Variants in VPS8 observed in about 807,000 individuals in gnomAD.
VPS8 encodes the protein VPS8 subunit of CORVET complex, also known as vacuolar protein sorting-associated protein 8 homolog.
VPS8 carries 129 observed loss-of-function variants against 216.4 expected under a neutral mutation model. The observed-to-expected ratio is 0.60, with a 90% CI of 0.52 to 0.69. The LOEUF (loss-of-function observed/expected upper bound fraction) is 0.69. Ranked by LOEUF, VPS8 falls within the 30% of genes least tolerant of loss-of-function variation. VPS8 has a pLI of 0.00. For synonymous variants in VPS8, 571 were observed against 565.4 expected (o/e 1.01, Z -0.14); for missense variants, 1,531 against 1,683.5 (o/e 0.91, Z 1.59).
intron 46 of VPS8, among the ~76,000 whole-genome samples, chr3:185,039,798 T>C (rs1759396803): frequency 6.6e-6 from 1 of 152,100 alleles, no homozygotes; most frequent in South Asian, 2.1e-4. Context: ...CAGTAGAAAT[T>C]GGGCTGGCTG....
At chr3:184,991,621 T>C (rs1178789527) in intron 42 of VPS8, among the ~76,000 whole-genome samples, 1 of 152,194 alleles carries the variant, frequency 6.6e-6, no homozygotes, top group Non-Finnish European at 1.5e-5. Context: ...TGTTGTCTTA[T>C]TGGATCCACA....
intron 36 of VPS8, among the ~76,000 whole-genome samples, chr3:184,955,607 CTT>C (rs1049794590): frequency 1.3e-5 from 2 of 152,098 alleles, no homozygotes; most frequent in Non-Finnish European, 2.9e-5. Flanking sequence ...CTCTTTATCT[CTT>C]TGTCTTGTGT....
At chr3:184,930,371 C>T (rs937895231) in intron 33 of VPS8, 99 bp from the exon 34 acceptor site, 1 of 679,418 alleles carries the variant, frequency 1.5e-6, no homozygotes, top group Non-Finnish European at 2.4e-6. Flanking sequence ...GATAATTTTT[C>T]ATCTTCAGAT....
chr3:185,030,905 G>C (rs1468069185), intron 46 of VPS8, among the ~76,000 whole-genome samples: 1 of 152,010 alleles, frequency 6.6e-6, no homozygotes, highest in African/African-American at 2.4e-5. Flanking sequence ...TGGGATTATA[G>C]GCATGAGCCA....
At chr3:185,049,335 T>C (rs1017950036) in intron 47 of VPS8, among the ~76,000 whole-genome samples, 1 of 152,184 alleles carries the variant, frequency 6.6e-6, no homozygotes, top group African/African-American at 2.4e-5. Flanking sequence ...CGACCTGTTC[T>C]TCATGCCTGG....
At chr3:184,820,555 C>T (rs909071444) in intron 1 of VPS8, among the ~76,000 whole-genome samples, 2 of 152,000 alleles carry the variant, frequency 1.3e-5, no homozygotes, top group Non-Finnish European at 2.9e-5. Flanking sequence ...TGTTGGATAC[C>T]CTCATACTGC....
chr3:184,928,034 A>G (rs866100765), intron 31 of VPS8, among the ~76,000 whole-genome samples: 1 of 152,250 alleles, frequency 6.6e-6, no homozygotes, highest in African/African-American at 2.4e-5. Flanking sequence ...AAAAGCCCCA[A>G]TACTTAATTT....
chr3:184,965,764 A>C (rs1747299626), intron 38 of VPS8, among the ~76,000 whole-genome samples: 1 of 152,210 alleles, frequency 6.6e-6, no homozygotes, highest in Non-Finnish European at 1.5e-5. Flanking sequence ...GAGGTAAAAC[A>C]AAGCAGACAA....
intron 5 of VPS8, among the ~76,000 whole-genome samples, chr3:184,836,633 T>C (rs754986761): frequency 1.3e-5 from 2 of 152,212 alleles, no homozygotes; most frequent in Admixed American, 6.5e-5. Context: ...TGCCTTCCTA[T>C]TTTTGGATTA....
intron 37 of VPS8, 48 bp from the exon 38 acceptor site, chr3:184,964,420 C>A: frequency 7.9e-7 from 1 of 1,270,532 alleles, no homozygotes; most frequent in Non-Finnish European, 1.1e-6. Context: ...CTTCCCACTC[C>A]ACAAATAAGA....
At chr3:184,905,700 A>G (rs760401581) in intron 25 of VPS8, among the ~76,000 whole-genome samples, 17 of 151,356 alleles carry the variant, frequency 1.1e-4, no homozygotes, top group Non-Finnish European at 2.2e-4. Flanking sequence ...ATAAAAAGTA[A>G]TAAAATCTGT....
At chr3:185,037,324 G>A (rs774065707) in intron 46 of VPS8, among the ~76,000 whole-genome samples, 1 of 151,646 alleles carries the variant, frequency 6.6e-6, no homozygotes, top group Non-Finnish European at 1.5e-5. Flanking sequence ...GTTTTATTGG[G>A]GTTCTTTGTA....
At chr3:184,816,810 C>T (rs1205463493) in intron 1 of VPS8, among the ~76,000 whole-genome samples, 29 of 152,126 alleles carry the variant, frequency 1.9e-4, no homozygotes, top group Admixed American at 1.9e-3. Context: ...CATGTGAGAA[C>T]TGAGACATAG....
At chr3:184,967,409 A>G (rs959094234) in intron 39 of VPS8, among the ~76,000 whole-genome samples, 9 of 152,172 alleles carry the variant, frequency 5.9e-5, no homozygotes, top group Non-Finnish European at 7.3e-5. Flanking sequence ...AACATAGCCA[A>G]TGTTTCCAAA....
At chr3:184,834,525 C>A in intron 4 of VPS8, 124 bp from the exon 5 acceptor site, 1 of 715,986 alleles carries the variant, frequency 1.4e-6, no homozygotes. Flanking sequence ...AAAAACAGAT[C>A]TAACAAATTA....
At chr3:184,967,603 C>T (rs539731307) in intron 39 of VPS8, among the ~76,000 whole-genome samples, 5 of 151,990 alleles carry the variant, frequency 3.3e-5, no homozygotes, top group African/African-American at 9.7e-5. Context: ...TTTAGGAGGC[C>T]GAGGCAGGTG....
chr3:184,897,882 C>T lies in VPS8; in HGVS notation c.2005-683C>T, dbSNP rs566238372. On this transcript the variant is annotated intron_variant, in intron 23 of 47. Coordinates refer to ENST00000625842, the MANE Select transcript of VPS8 (RefSeq NM_001009921.3). ...TCTCTGATTTCTCTCTGTCCTTAAG[C>T]ACTTCAAGCTCACTTCCACATTAGG... is the stretch of plus-strand genomic sequence containing the variant. Among the ~76,000 whole-genome samples, 3 of 152,260 alleles carry T rather than the reference C, an allele frequency of 2.0e-5. No individual in the cohort carries two copies. In the South Asian group the frequency reaches 6.2e-4, roughly 32 times the overall value.
chr3:184,920,958 CAATT>C (rs979354864), intron 29 of VPS8, among the ~76,000 whole-genome samples: 4 of 152,180 alleles, frequency 2.6e-5, no homozygotes, highest in African/African-American at 9.7e-5. Flanking sequence ...TTTGAGCTAT[CAATT>C]AATATTAATT....
chr3:184,947,334 T>G (rs1263694979), intron 36 of VPS8, among the ~76,000 whole-genome samples: 1 of 152,176 alleles, frequency 6.6e-6, no homozygotes, highest in South Asian at 2.1e-4. Flanking sequence ...GTTTCACATA[T>G]TAAAAGCTAG....
Sources: gnomAD v4.1 joint callset for allele counts (sites outside exome capture counted in the v4.1 genomes callset) on GRCh38, gnomAD v4.1.1 for gene constraint, MANE v1.5 for transcripts, NCBI Gene and HGNC (gene_info 2026-07-23, HGNC 2026-07-21) for gene names.